Variants in KIZ observed in about 807,000 individuals in gnomAD.
KIZ encodes the protein kizuna centrosomal protein.
Under a neutral mutation model 79.6 loss-of-function variants are expected in KIZ, and 68 were observed. That is an observed-to-expected ratio of 0.85 (90% CI 0.70 to 1.05). The LOEUF (loss-of-function observed/expected upper bound fraction) is 1.05, where lower values mean the gene tolerates loss of function less well. Among genes scored for constraint, KIZ ranks in the 50% least tolerant of loss-of-function variants. The pLI is 0.00. For synonymous variants in KIZ, 280 were observed against 281.8 expected, an observed-to-expected ratio of 0.99 and a Z score of 0.06; for missense variants, 797 against 800.4, an observed-to-expected ratio of 1.00 and a Z score of 0.05.
At position 21,137,887 on chromosome 20, in the gene KIZ, C is replaced by G. The variant is rs531909573; in HGVS notation, c.315+1335C>G. 3.3e-5 allele frequency among the ~76,000 whole-genome samples: 5 copies of G among 152,276 alleles called. No individual in the cohort carries two copies. The East Asian group carries it at 9.7e-4, about 29-fold the overall frequency. ...AACCTTCTGGGCTCAAGCGAGCCTC[C>G]CTCCTCAGCCTCAAGCTGGGACTAT... On this transcript the variant is annotated intron_variant, in intron 3 of 12. Transcript: ENST00000619189.
Position 21,232,802 on chromosome 20 carries a change from T to C in KIZ, c.1852T>C (p.Ser618Pro), listed in dbSNP as rs1221749591. 4.5e-6 allele frequency: 7 copies of C among 1,571,312 alleles called. No homozygotes were observed. In the African/African-American group the frequency reaches 9.4e-5, roughly 21 times the overall value. Reference sequence around the variant, plus strand: ...CAAAATTGCTTCGGAAGCTAGTTTTTCATCTAGTGAAGGAAGTCCTTTGTC... The same window carrying C: ...CAAAATTGCTTCGGAAGCTAGTTTTCCATCTAGTGAAGGAAGTCCTTTGTC... Reference protein sequence around the residue: ...ANKIASEASFSSSEGSPLSRH... With the variant: ...ANKIASEASFPSSEGSPLSRH... Residue 618 changes from serine (S) to proline (P), a missense_variant, in exon 11 of 13, where the codon TCA (serine) becomes CCA (proline). Transcript: ENST00000619189.
chr20:21,237,803 C>A (rs931362357), intron 11 of KIZ, among the ~76,000 whole-genome samples: 1 of 152,134 alleles, frequency 6.6e-6, no homozygotes, highest in African/African-American at 2.4e-5. Flanking sequence ...CAGTACCCTC[C>A]CTCCCGCAGT....
At chr20:21,136,315 T>C (rs1568907547) in intron 2 of KIZ, 75 bp from the exon 3 acceptor site, 5 of 881,370 alleles carry the variant, frequency 5.7e-6, no homozygotes, top group Non-Finnish European at 6.8e-6. Context: ...ATTAACAATT[T>C]TGATGAAGAA....
intron 6 of KIZ, among the ~76,000 whole-genome samples, chr20:21,188,846 C>T (rs1446275615): frequency 1.3e-5 from 2 of 151,860 alleles, no homozygotes; most frequent in Non-Finnish European, 2.9e-5. Context: ...ACTACAGGCG[C>T]CTGCCACCAC....
chr20:21,177,058 A>G (rs2034467041), intron 6 of KIZ, among the ~76,000 whole-genome samples: 1 of 151,508 alleles, frequency 6.6e-6, no homozygotes, highest in Non-Finnish European at 1.5e-5. Context: ...TGCTGTGATG[A>G]ACACTGGAGT....
intron 6 of KIZ, chr20:21,195,051 A>G (rs188120255): frequency 2.6e-5 from 4 of 152,374 alleles, no homozygotes; most frequent in Non-Finnish European, 4.4e-5. Context: ...TGACTTAACT[A>G]TGGAATAGCA....
chr20:21,150,697 C>T (rs917662108), intron 4 of KIZ: 1 of 152,184 alleles, frequency 6.6e-6, no homozygotes, highest in Non-Finnish European at 1.5e-5. Flanking sequence ...TGCAGATCTG[C>T]AGACCTTTTT....
chr20:21,246,407 GTGC>G, intron 12 of KIZ, 69 bp from the exon 13 acceptor site: 2 of 889,006 alleles, frequency 2.2e-6, no homozygotes, highest in Admixed American at 4.1e-5. Flanking sequence ...CAGTCCTTCC[GTGC>G]TGTGCTGTTT....
At chr20:21,187,481 C>T (rs1256508637) in intron 6 of KIZ, among the ~76,000 whole-genome samples, 1 of 152,170 alleles carries the variant, frequency 6.6e-6, no homozygotes. Flanking sequence ...GACATGGCAG[C>T]TTATTTCAGG....
At chr20:21,126,293 C>T in intron 1 of KIZ, 89 bp downstream of exon 1, 4 of 927,230 alleles carry the variant, frequency 4.3e-6, no homozygotes, top group Middle Eastern at 3.6e-4. Context: ...CTCCCCCGTC[C>T]GAGGTTCCCC....
At chr20:21,202,949 T>C (rs2035656927) in intron 6 of KIZ, among the ~76,000 whole-genome samples, 1 of 152,206 alleles carries the variant, frequency 6.6e-6, no homozygotes, top group Non-Finnish European at 1.5e-5. Flanking sequence ...ACGCTTTTTT[T>C]CTTGAGTAGT....
intron 4 of KIZ, among the ~76,000 whole-genome samples, chr20:21,157,432 A>G (rs1272970641): frequency 6.6e-6 from 1 of 152,174 alleles, no homozygotes; most frequent in East Asian, 1.9e-4. Context: ...AAATTGCAAA[A>G]CAGTTAATAA....
At chr20:21,126,479 G>A (rs369157672) in intron 1 of KIZ, among the ~76,000 whole-genome samples, 3 of 152,166 alleles carry the variant, frequency 2.0e-5, no homozygotes, top group African/African-American at 7.2e-5. Context: ...CCGCGTCACA[G>A]AATTTGCCCA....
intron 11 of KIZ, among the ~76,000 whole-genome samples, chr20:21,243,931 CAG>C (rs369224329): frequency 2.0e-5 from 3 of 152,190 alleles, no homozygotes; most frequent in Middle Eastern, 3.2e-3. Context: ...TCCCCTGCCT[CAG>C]GGGAACATGC....
In KIZ at chr20:21,215,658, T is replaced by TA; in HGVS notation, c.1678+10_1678+11insA. 1.9e-6 allele frequency: 3 copies of TA among 1,582,476 alleles called. No individual in the cohort carries two copies. The highest frequency in any genetic ancestry group is 2.6e-6 in the Non-Finnish European group (3 of 1,154,436). On this transcript the variant is annotated intron_variant, in intron 9 of 12. Transcript: ENST00000619189. ...GATATCCCAATCACAGGTAAAGCTA[T>TA]GGTTGCCTAAGAGTTTCAGACACAA...
At chr20:21,222,478 C>T (rs150635297) in intron 9 of KIZ, among the ~76,000 whole-genome samples, 32 of 152,290 alleles carry the variant, frequency 2.1e-4, no homozygotes, top group African/African-American at 7.2e-4. Context: ...TTGAAGCACC[C>T]TCATTTTACA....
At chr20:21,207,528 C>A (rs13039509) in intron 7 of KIZ, among the ~76,000 whole-genome samples, 1 of 141,898 alleles carries the variant, frequency 7.0e-6, no homozygotes, top group African/African-American at 2.6e-5. Flanking sequence ...CTCTCTTCTG[C>A]TCTTTCTCTC....
chr20:21,224,033 G>T (rs963318073), intron 9 of KIZ, among the ~76,000 whole-genome samples: 8 of 150,366 alleles, frequency 5.3e-5, no homozygotes, highest in Non-Finnish European at 1.0e-4. Context: ...TATTCTTGTT[G>T]CCCAGGCTGG....
At chr20:21,170,248 A>T (rs983881925) in intron 6 of KIZ, among the ~76,000 whole-genome samples, 1 of 152,202 alleles carries the variant, frequency 6.6e-6, no homozygotes, top group Non-Finnish European at 1.5e-5. Context: ...ACTTCATGGT[A>T]AATGGGATAT....
Sources: allele counts gnomAD v4.1 joint callset (sites outside exome capture counted in the v4.1 genomes callset), GRCh38; gene constraint gnomAD v4.1.1; transcripts MANE v1.5; gene names NCBI Gene and HGNC (gene_info 2026-07-23, HGNC 2026-07-21).